The following ULK4 variants were observed in gnomAD, a reference collection of about 807,000 sequenced individuals.
ULK4 encodes the protein inactive serine/threonine-protein kinase ULK4.
Under a neutral mutation model 160.6 loss-of-function variants are expected in ULK4, and 133 were observed. The ratio of observed to expected loss-of-function variants is 0.83; its 90% confidence interval spans 0.72 to 0.96. The LOEUF (loss-of-function observed/expected upper bound fraction) is 0.96. Ranked by LOEUF, ULK4 falls within the 40% of genes least tolerant of loss-of-function variation. The pLI, the probability that ULK4 is intolerant of heterozygous loss-of-function variation, is 0.00. For synonymous variants in ULK4, 534 were observed against 539.8 expected (o/e 0.99, Z 0.15); for missense variants, 1,580 against 1,499.5 (o/e 1.05, Z -0.89).
intron 35 of ULK4, among the ~76,000 whole-genome samples, chr3:41,397,497 A>G (rs963300195): frequency 6.6e-6 from 1 of 152,202 alleles, no homozygotes; most frequent in Non-Finnish European, 1.5e-5. Context: ...ATTTACTTCT[A>G]GAGTACTAAC....
intron 31 of ULK4, among the ~76,000 whole-genome samples, chr3:41,600,790 C>T (rs1249751130): frequency 6.6e-6 from 1 of 152,196 alleles, no homozygotes; most frequent in African/African-American, 2.4e-5. Context: ...TTTCTCTAAC[C>T]CCAGAACTGG....
intron 34 of ULK4, among the ~76,000 whole-genome samples, chr3:41,404,245 C>A (rs1356104105): frequency 3.1e-5 from 2 of 64,726 alleles, no homozygotes; most frequent in Admixed American, 3.4e-4. Context: ...TTTTTTTTTG[C>A]TTCATGTATT....
At chr3:41,256,401 A>G (rs1006054630) in intron 35 of ULK4, among the ~76,000 whole-genome samples, 2 of 152,350 alleles carry the variant, frequency 1.3e-5, no homozygotes, top group South Asian at 4.1e-4. Flanking sequence ...ACACACAGAT[A>G]ATGGAATAGA....
chr3:41,433,939 G>A (rs192300315), intron 34 of ULK4, among the ~76,000 whole-genome samples: 1 of 152,100 alleles, frequency 6.6e-6, no homozygotes, highest in East Asian at 1.9e-4. Flanking sequence ...AGTCAGGATG[G>A]TCTCAATCTC....
At chr3:41,953,395 C>A (rs1241120977) in intron 2 of ULK4, among the ~76,000 whole-genome samples, 1 of 150,314 alleles carries the variant, frequency 6.7e-6, no homozygotes, top group Non-Finnish European at 1.5e-5. Flanking sequence ...CTCTGCCTCC[C>A]CGGTTCAAGC....
At chr3:41,440,486 T>A (rs2083139354) in intron 34 of ULK4, among the ~76,000 whole-genome samples, 1 of 152,180 alleles carries the variant, frequency 6.6e-6, no homozygotes, top group African/African-American at 2.4e-5. Context: ...ATTAAACCAA[T>A]CCTGCATTAC....
chr3:41,681,512 G>C lies in ULK4; in HGVS notation c.2974C>G (p.Pro992Ala), dbSNP rs2035920832. ...ATACAACTGCATGATACTTACTGGG[G>C]AAGTAAGACATCTCGAATGAGAGCC... The part of the protein sequence containing the change: ...LLALIRDVLL[P>A]QYEHILLEPD... Residue 992 changes from proline (P) to alanine (A), a missense_variant, in exon 29 of 37, where the codon CCC (proline) becomes GCC (alanine). Transcript: ENST00000301831. 4 of 1,613,926 alleles carry C rather than the reference G, an allele frequency of 2.5e-6. No homozygotes were observed. The highest frequency in any genetic ancestry group is 2.5e-6 in the Non-Finnish European group (3 of 1,179,924).
chr3:41,604,311 A>G (rs1176358889), intron 31 of ULK4, among the ~76,000 whole-genome samples: 1 of 152,092 alleles, frequency 6.6e-6, no homozygotes, highest in Non-Finnish European at 1.5e-5. Flanking sequence ...TTTATGATAC[A>G]TGTAATTGGA....
chr3:41,805,943 C>A (rs1185154102), intron 19 of ULK4, among the ~76,000 whole-genome samples: 1 of 145,184 alleles, frequency 6.9e-6, no homozygotes, highest in East Asian at 2.0e-4. Context: ...GTCTAAAATT[C>A]TCTTTTTTGG....
intron 25 of ULK4, among the ~76,000 whole-genome samples, chr3:41,711,695 T>C (rs1391326112): frequency 6.6e-6 from 1 of 152,208 alleles, no homozygotes; most frequent in Non-Finnish European, 1.5e-5. Context: ...CATAAACTAA[T>C]GAGGCCAGAA....
intron 22 of ULK4, among the ~76,000 whole-genome samples, chr3:41,725,177 A>G (rs780055086): frequency 5.3e-5 from 8 of 152,220 alleles, no homozygotes; most frequent in Non-Finnish European, 8.8e-5. Flanking sequence ...ATTTCAGTCT[A>G]CACAAAAGTC....
chr3:41,605,524 T>A (rs1337588105), intron 31 of ULK4, among the ~76,000 whole-genome samples: 1 of 152,004 alleles, frequency 6.6e-6, no homozygotes, highest in Non-Finnish European at 1.5e-5. Flanking sequence ...CATCTCATAA[T>A]GATAAAGAGG....
chr3:41,375,155 C>T (rs560203850), intron 35 of ULK4, among the ~76,000 whole-genome samples: 4 of 152,286 alleles, frequency 2.6e-5, no homozygotes, highest in South Asian at 2.1e-4. Flanking sequence ...AATGGAAAAA[C>T]ATTCCATGGT....
intron 30 of ULK4, among the ~76,000 whole-genome samples, chr3:41,637,878 T>A (rs2034021077): frequency 6.6e-6 from 1 of 152,194 alleles, no homozygotes; most frequent in East Asian, 1.9e-4. Context: ...GCCCATTTTA[T>A]CATTGGGTTG....
At chr3:41,698,747 G>A (rs2036578158) in intron 27 of ULK4, among the ~76,000 whole-genome samples, 1 of 151,984 alleles carries the variant, frequency 6.6e-6, no homozygotes, top group Admixed American at 6.6e-5. Context: ...TTCACAATAT[G>A]AACATACTCA....
At chr3:41,316,835 A>C (rs1464512499) in intron 35 of ULK4, among the ~76,000 whole-genome samples, 1 of 152,212 alleles carries the variant, frequency 6.6e-6, no homozygotes, top group East Asian at 1.9e-4. Context: ...TCACCACCAT[A>C]TATGTTGGCA....
At chr3:41,809,161 G>A (rs113199954) in intron 19 of ULK4, among the ~76,000 whole-genome samples, 3,308 of 132,762 alleles carry the variant, frequency 0.025, 89 homozygotes, top group Admixed American at 0.094. Flanking sequence ...GCAAGACTCC[G>A]TCTCAAAAAA....
intron 32 of ULK4, among the ~76,000 whole-genome samples, chr3:41,498,515 T>G (rs1458698831): frequency 6.6e-6 from 1 of 150,992 alleles, no homozygotes; most frequent in Non-Finnish European, 1.5e-5. Flanking sequence ...TTAATAAAGC[T>G]AAGAACAGAA....
Position 41,862,555 on chromosome 3 carries a change from C to T in ULK4, c.1656+21319G>A, listed in dbSNP as rs141045816. ...AGCCATCCTTCTTGGGAAGGCTTTTCGGATATTTGAAAGGACTTGGGTGTT... is the reference window on the plus strand; with the variant it reads ...AGCCATCCTTCTTGGGAAGGCTTTTTGGATATTTGAAAGGACTTGGGTGTT... On this transcript the variant is annotated intron_variant, in intron 17 of 36. Transcript: ENST00000301831. Among the ~76,000 whole-genome samples, 863 of 152,244 alleles carry T rather than the reference C, an allele frequency of 5.7e-3. 12 individuals carry two copies. The highest frequency in any genetic ancestry group is 0.019 in the African/African-American group (800 of 41,548).
Sources: gnomAD v4.1 joint callset for allele counts (sites outside exome capture counted in the v4.1 genomes callset) on GRCh38, gnomAD v4.1.1 for gene constraint, MANE v1.5 for transcripts, NCBI Gene and HGNC (gene_info 2026-07-23, HGNC 2026-07-21) for gene names.